Variants in SEMA3A observed in about 807,000 individuals in gnomAD.
SEMA3A encodes the protein semaphorin 3A, also known as semaphorin-3A.
In SEMA3A, 29 loss-of-function variants were observed where a neutral mutation model predicts 97.9. The ratio of observed to expected loss-of-function variants is 0.30; its 90% CI spans 0.22 to 0.40. SEMA3A has a LOEUF of 0.40. Among genes scored for constraint, SEMA3A ranks in the 10% least tolerant of loss-of-function variants. SEMA3A has a pLI of 1.00. For missense variants in SEMA3A, 763 were observed against 951.3 expected (o/e 0.80, Z 2.60); for synonymous variants, 321 against 323.7 (o/e 0.99, Z 0.09).
At chr7:84,144,462 A>G (rs1796406860) in intron 1 of SEMA3A, among the ~76,000 whole-genome samples, 1 of 152,270 alleles carries the variant, frequency 6.6e-6, no homozygotes, top group Non-Finnish European at 1.5e-5. Flanking sequence ...ATGAAAGATA[A>G]GGAAATAAAA....
At chr7:84,212,465 A>G (rs1391260673) in intron 3 of SEMA3A, among the ~76,000 whole-genome samples, 2 of 152,188 alleles carry the variant, frequency 1.3e-5, no homozygotes, top group Admixed American at 6.5e-5. Context: ...ACTGATCACA[A>G]TGTAATATTA....
intron 15 of SEMA3A, among the ~76,000 whole-genome samples, chr7:83,965,190 C>T (rs1001182045): frequency 8.6e-5 from 13 of 151,832 alleles, no homozygotes; most frequent in African/African-American, 3.1e-4. Flanking sequence ...CCGCCCGCCT[C>T]GGCCTCCCAA....
chr7:84,064,617 A>C (rs1231822082), intron 4 of SEMA3A, among the ~76,000 whole-genome samples: 425 of 151,684 alleles, frequency 2.8e-3, no homozygotes, highest in African/African-American at 9.5e-3. Flanking sequence ...AGGGGTTGCC[A>C]TCCTAGTCTC....
At chr7:83,985,753 C>T (rs550626415) in intron 12 of SEMA3A, among the ~76,000 whole-genome samples, 1 of 152,204 alleles carries the variant, frequency 6.6e-6, no homozygotes, top group Non-Finnish European at 1.5e-5. Context: ...AAAACATGAG[C>T]CTGCACAGTG....
chr7:84,006,437 A>G (rs1315049606), intron 10 of SEMA3A, among the ~76,000 whole-genome samples: 1 of 151,936 alleles, frequency 6.6e-6, no homozygotes, highest in African/African-American at 2.4e-5. Context: ...CAAAAAGACC[A>G]ATCAGAATGC....
intron 12 of SEMA3A, among the ~76,000 whole-genome samples, chr7:83,995,020 G>T (rs1169973545): frequency 1.3e-5 from 2 of 152,140 alleles, no homozygotes; most frequent in Non-Finnish European, 2.9e-5. Context: ...ATCTCTTGGT[G>T]CGCCGTTTTT....
intron 3 of SEMA3A, among the ~76,000 whole-genome samples, chr7:84,209,348 C>G (rs966665563): frequency 6.6e-6 from 1 of 152,096 alleles, no homozygotes; most frequent in African/African-American, 2.4e-5. Flanking sequence ...AGTGCAGGCT[C>G]AGGTTTAGGC....
intron 1 of SEMA3A, among the ~76,000 whole-genome samples, chr7:84,489,911 A>T (rs1476174348): frequency 1.3e-5 from 2 of 152,044 alleles, no homozygotes; most frequent in Admixed American, 6.6e-5. Context: ...TCTTCTAAAA[A>T]TTTTCCTCTA....
intron 6 of SEMA3A, among the ~76,000 whole-genome samples, chr7:84,023,341 A>C (rs897205465): frequency 1.3e-5 from 2 of 152,144 alleles, no homozygotes; most frequent in African/African-American, 2.4e-5. Context: ...CCTTCCACCA[A>C]CAAGCCCCCC....
intron 1 of SEMA3A, among the ~76,000 whole-genome samples, chr7:84,488,848 G>C (rs546918307): frequency 6.6e-6 from 1 of 151,998 alleles, no homozygotes; most frequent in East Asian, 1.9e-4. Context: ...ATTCATTTTG[G>C]AATTTCTTTC....
At chr7:84,163,176 T>A (rs1046311724) in intron 1 of SEMA3A, among the ~76,000 whole-genome samples, 4 of 152,202 alleles carry the variant, frequency 2.6e-5, no homozygotes, top group African/African-American at 9.6e-5. Context: ...GATTTAAAAT[T>A]GTCGATTCTA....
At chr7:84,216,252 G>A (rs552924036) in intron 3 of SEMA3A, among the ~76,000 whole-genome samples, 21 of 152,088 alleles carry the variant, frequency 1.4e-4, no homozygotes, top group Non-Finnish European at 2.2e-4. Flanking sequence ...GACTACAGGC[G>A]CTCGCCACCA....
intron 6 of SEMA3A, among the ~76,000 whole-genome samples, chr7:84,038,986 T>C (rs949842490): frequency 4.6e-5 from 7 of 152,154 alleles, no homozygotes; most frequent in Non-Finnish European, 8.8e-5. Context: ...ATAATGATAG[T>C]AGCTATCAAT....
At chr7:84,111,752 C>T (rs1795281307) in intron 3 of SEMA3A, among the ~76,000 whole-genome samples, 4 of 152,090 alleles carry the variant, frequency 2.6e-5, no homozygotes, top group Non-Finnish European at 4.4e-5. Flanking sequence ...TGTTTTGCTA[C>T]ACAGATCCTA....
chr7:84,053,261 T>C (rs1251365636), intron 5 of SEMA3A, among the ~76,000 whole-genome samples: 2 of 106,346 alleles, frequency 1.9e-5, no homozygotes, highest in African/African-American at 5.5e-5. Context: ...AATTCCTGGG[T>C]ATCCTTGTTG....
At chr7:84,123,267 G>A (rs745674585) in intron 3 of SEMA3A, among the ~76,000 whole-genome samples, 4 of 152,034 alleles carry the variant, frequency 2.6e-5, no homozygotes, top group Non-Finnish European at 4.4e-5. Flanking sequence ...GAAAAATACC[G>A]AAAATGGGAG....
intron 3 of SEMA3A, among the ~76,000 whole-genome samples, chr7:84,288,980 T>A (rs1800670486): frequency 6.6e-6 from 1 of 152,030 alleles, no homozygotes; most frequent in African/African-American, 2.4e-5. Flanking sequence ...CTTCCATAAA[T>A]GAATGGATAA....
intron 1 of SEMA3A, among the ~76,000 whole-genome samples, chr7:84,173,152 A>G (rs928224097): frequency 6.6e-5 from 10 of 152,278 alleles, no homozygotes; most frequent in Admixed American, 5.2e-4. Context: ...CTTATTATGT[A>G]TGCTCCAAGT....
intron 5 of SEMA3A, among the ~76,000 whole-genome samples, chr7:84,052,428 G>C (rs909262241): frequency 1.3e-5 from 2 of 152,136 alleles, no homozygotes; most frequent in African/African-American, 4.8e-5. Context: ...CTTCTTCCTG[G>C]TTTAGTCTTG....
Sources: gnomAD v4.1 joint callset for allele counts (sites outside exome capture counted in the v4.1 genomes callset) on GRCh38, gnomAD v4.1.1 for gene constraint, MANE v1.5 for transcripts, NCBI Gene and HGNC (gene_info 2026-07-23, HGNC 2026-07-21) for gene names.